CHCHD3: variants seen among roughly 807,000 people sequenced by gnomAD.
CHCHD3 encodes MICOS complex subunit MIC19.
A neutral mutation model predicts 38.2 loss-of-function variants in CHCHD3; 20 were observed. The observed-to-expected ratio is 0.52, with a 90% CI of 0.37 to 0.76. CHCHD3 has a LOEUF of 0.76. Ranked by LOEUF, CHCHD3 falls within the 30% of genes least tolerant of loss-of-function variation. The pLI is 0.00. For synonymous variants in CHCHD3, 82 were observed against 100.0 expected, an observed-to-expected ratio of 0.82 and a Z score of 1.07; for missense variants, 245 against 279.2, an observed-to-expected ratio of 0.88 and a Z score of 0.87.
intron 4 of CHCHD3, among the ~76,000 whole-genome samples, chr7:132,900,241 C>A (rs1809633267): frequency 6.6e-6 from 1 of 152,270 alleles, no homozygotes; most frequent in Non-Finnish European, 1.5e-5. Flanking sequence ...AATAATCAGG[C>A]ATGTTCATCC....
At chr7:133,055,352 T>C (rs974772829) in intron 2 of CHCHD3, among the ~76,000 whole-genome samples, 5 of 145,676 alleles carry the variant, frequency 3.4e-5, no homozygotes, top group African/African-American at 1.2e-4. Context: ...TAATTAGTTG[T>C]ATTATATATT....
chr7:133,071,101 C>A lies in CHCHD3; in HGVS notation c.82-872G>T, dbSNP rs192635022. On this transcript the variant is annotated intron_variant, in intron 1 of 7. Coordinates refer to ENST00000262570, the MANE Select transcript of CHCHD3 (RefSeq NM_017812.4). ...AGGCTCTGAGGAACACACAGCCTTGCGGATTTGAGAGTCATCATTCCCACA... is the reference window on the plus strand; with the variant it reads ...AGGCTCTGAGGAACACACAGCCTTGAGGATTTGAGAGTCATCATTCCCACA... Among the ~76,000 whole-genome samples, 169 of 152,252 alleles carry A rather than the reference C, an allele frequency of 1.1e-3. 4 individuals are homozygous for A.
intron 4 of CHCHD3, among the ~76,000 whole-genome samples, chr7:132,900,314 C>T (rs558894122): frequency 2.6e-3 from 78 of 30,336 alleles, no homozygotes; most frequent in African/African-American, 0.011. Context: ...CTTATGCAAA[C>T]TCAACTGCCC....
chr7:133,000,120 T>C (rs1381128875), intron 3 of CHCHD3, among the ~76,000 whole-genome samples: 5 of 152,152 alleles, frequency 3.3e-5, no homozygotes, highest in African/African-American at 1.2e-4. Flanking sequence ...TGCAGAAAAC[T>C]TGATACATTT....
intron 4 of CHCHD3, among the ~76,000 whole-genome samples, chr7:132,913,374 C>T (rs1035064583): frequency 6.6e-6 from 1 of 152,082 alleles, no homozygotes; most frequent in East Asian, 1.9e-4. Context: ...GAAATTATGC[C>T]TCTGGAGTCA....
rs1421625820 is a variant in CHCHD3 at position 132,838,450 on chromosome 7, ACT to A, written c.471_472del (p.Arg157SerfsTer4). The A allele has an allele frequency of 1.2e-6, 2 of 1,612,034 alleles. No homozygotes were observed. The highest frequency in any genetic ancestry group is 1.7e-6 in the Non-Finnish European group (2 of 1,178,578). On this transcript the variant is annotated frameshift_variant, in exon 6 of 8. Coordinates refer to ENST00000262570, the MANE Select transcript of CHCHD3 (RefSeq NM_017812.4). LOFTEE classifies it high-confidence loss of function. ...AGCTTTCTGATATTGTTCAGTGGTGACTCTGTAGAACTCTGAGCTCTGTGGAC... is the reference window on the plus strand; with the variant it reads ...AGCTTTCTGATATTGTTCAGTGGTGACTGTAGAACTCTGAGCTCTGTGGAC...
At chr7:132,953,815 G>A (rs943584166) in intron 4 of CHCHD3, among the ~76,000 whole-genome samples, 1 of 152,192 alleles carries the variant, frequency 6.6e-6, no homozygotes, top group Admixed American at 6.5e-5. Flanking sequence ...GTCATAAGTA[G>A]GGTGACCATA....
At chr7:132,957,876 A>G (rs1008025400) in intron 4 of CHCHD3, among the ~76,000 whole-genome samples, 1 of 152,230 alleles carries the variant, frequency 6.6e-6, no homozygotes, top group Admixed American at 6.5e-5. Context: ...GCCACCTATC[A>G]AAAGGTAAAG....
At chr7:133,079,096 AG>A (rs1469984455) in intron 1 of CHCHD3, among the ~76,000 whole-genome samples, 1 of 152,240 alleles carries the variant, frequency 6.6e-6, no homozygotes, top group Non-Finnish European at 1.5e-5. Context: ...ACCCTCAATT[AG>A]GGCAGAATGT....
intron 4 of CHCHD3, among the ~76,000 whole-genome samples, chr7:132,901,035 G>GA (rs1337751765): frequency 6.6e-6 from 1 of 152,094 alleles, no homozygotes; most frequent in Non-Finnish European, 1.5e-5. Context: ...ATAGAATTTG[G>GA]AAAATCACTT....
At chr7:132,869,639 T>A (rs1585588839) in intron 5 of CHCHD3, among the ~76,000 whole-genome samples, 1 of 152,138 alleles carries the variant, frequency 6.6e-6, no homozygotes, top group Non-Finnish European at 1.5e-5. Context: ...CAGGCTGGAG[T>A]GCAGCGACAT....
chr7:133,050,141 G>A (rs1185465167), intron 2 of CHCHD3, among the ~76,000 whole-genome samples: 1 of 151,974 alleles, frequency 6.6e-6, no homozygotes, highest in East Asian at 1.9e-4. Context: ...AAGGCCAGGA[G>A]TTCGAGATCA....
At chr7:132,795,249 C>T (rs1051151878) in intron 7 of CHCHD3, among the ~76,000 whole-genome samples, 1 of 152,302 alleles carries the variant, frequency 6.6e-6, no homozygotes, top group African/African-American at 2.4e-5. Context: ...TCAAGTCCTT[C>T]AGTTCATATT....
intron 5 of CHCHD3, among the ~76,000 whole-genome samples, chr7:132,854,863 T>G (rs192216219): frequency 5.7e-4 from 87 of 152,308 alleles, no homozygotes; most frequent in African/African-American, 1.8e-3. Flanking sequence ...GCTCTGGAGA[T>G]TCTTCCTATA....
chr7:133,008,558 T>C lies in CHCHD3; in HGVS notation c.251+15988A>G, dbSNP rs1812768780. Among the ~76,000 whole-genome samples the C allele has an allele frequency of 2.0e-5, 3 of 152,304 alleles. No individual in the cohort carries two copies. In the South Asian group the frequency reaches 6.2e-4, roughly 32 times the overall value. ...CCACCTTCATAACATCTCAAAGTCT[T>C]ACAATGCATAAGAATATGTTACATA... On this transcript the variant is annotated intron_variant, in intron 3 of 7. Transcript: ENST00000262570.
intron 4 of CHCHD3, among the ~76,000 whole-genome samples, chr7:132,960,175 G>A (rs989913741): frequency 2.6e-5 from 4 of 151,974 alleles, no homozygotes. Flanking sequence ...GACAAAACCT[G>A]ACTACACCAA....
intron 4 of CHCHD3, among the ~76,000 whole-genome samples, chr7:132,945,975 A>G (rs1298337645): frequency 6.6e-6 from 1 of 151,956 alleles, no homozygotes; most frequent in African/African-American, 2.4e-5. Context: ...ATTGAAAATG[A>G]TAACCAGAAC....
At chr7:132,899,676 T>C (rs982800039) in intron 4 of CHCHD3, among the ~76,000 whole-genome samples, 7 of 152,184 alleles carry the variant, frequency 4.6e-5, no homozygotes, top group Admixed American at 2.0e-4. Context: ...ATAAGTTCTA[T>C]CAAGTAGAAA....
intron 3 of CHCHD3, among the ~76,000 whole-genome samples, chr7:132,984,881 C>G (rs1198211602): frequency 4.2e-5 from 4 of 94,820 alleles, no homozygotes; most frequent in Admixed American, 1.1e-4. Flanking sequence ...GGCCAGCCGC[C>G]CCATCCGGGA....
Sources: gnomAD v4.1 joint callset for allele counts (sites outside exome capture counted in the v4.1 genomes callset) on GRCh38, gnomAD v4.1.1 for gene constraint, MANE v1.5 for transcripts, NCBI Gene and HGNC (gene_info 2026-07-23, HGNC 2026-07-21) for gene names.